Variants in GALNTL6 observed in about 807,000 individuals in gnomAD.
The protein encoded by GALNTL6 is polypeptide N-acetylgalactosaminyltransferase like 6.
Under a neutral mutation model 73.7 loss-of-function variants are expected in GALNTL6, and 46 were observed. The observed-to-expected ratio is 0.62, with a 90% confidence interval of 0.49 to 0.80. The LOEUF is 0.80. GALNTL6 is among the 30% of genes least tolerant of loss of function. The pLI is 0.00. For missense variants in GALNTL6, 604 were observed against 755.0 expected (o/e 0.80, Z 2.34); for synonymous variants, 259 against 263.7 (o/e 0.98, Z 0.17).
chr4:172,275,652 G>T (rs1738802209), intron 3 of GALNTL6, among the ~76,000 whole-genome samples: 1 of 152,158 alleles, frequency 6.6e-6, no homozygotes, highest in African/African-American at 2.4e-5. Context: ...AGAATAAAAA[G>T]AAGAGACTAT....
At chr4:171,942,241 G>GATAC (rs1370018816) in intron 2 of GALNTL6, among the ~76,000 whole-genome samples, 5 of 30,154 alleles carry the variant, frequency 1.7e-4, no homozygotes, top group African/African-American at 2.5e-4. Context: ...AAAATAAATA[G>GATAC]ATAAATAAAT....
intron 5 of GALNTL6, among the ~76,000 whole-genome samples, chr4:172,559,126 G>T (rs909283702): frequency 1.7e-5 from 2 of 121,022 alleles, no homozygotes; most frequent in Admixed American, 2.3e-4. Context: ...GAGTGCAGTC[G>T]CGATCTCGGC....
At chr4:172,280,313 G>A (rs1738998424) in intron 3 of GALNTL6, among the ~76,000 whole-genome samples, 1 of 152,076 alleles carries the variant, frequency 6.6e-6, no homozygotes, top group African/African-American at 2.4e-5. Context: ...AGAAACCAAT[G>A]GAAGAACTTT....
chr4:172,385,920 T>C (rs1588206), intron 5 of GALNTL6, among the ~76,000 whole-genome samples: 122,283 of 149,264 alleles, frequency 0.82, 50,157 homozygotes, highest in Non-Finnish European at 0.88. Context: ...CACACACACA[T>C]ATATATATTT....
intron 2 of GALNTL6, among the ~76,000 whole-genome samples, chr4:171,996,028 C>G (rs1281082289): frequency 1.3e-5 from 2 of 152,042 alleles, no homozygotes; most frequent in Non-Finnish European, 2.9e-5. Context: ...TACAGCTCCT[C>G]TAAATGGCCT....
chr4:172,122,797 C>T (rs564259538), intron 2 of GALNTL6, among the ~76,000 whole-genome samples: 2 of 152,338 alleles, frequency 1.3e-5, no homozygotes, highest in South Asian at 4.1e-4. Flanking sequence ...CAATGGGCAG[C>T]ATTTCTAAGA....
chr4:172,543,842 A>T (rs912042858), intron 5 of GALNTL6, among the ~76,000 whole-genome samples: 9 of 152,256 alleles, frequency 5.9e-5, no homozygotes, highest in African/African-American at 2.2e-4. Context: ...GAAGATGAAG[A>T]TAATGCAATG....
intron 5 of GALNTL6, among the ~76,000 whole-genome samples, chr4:172,500,871 T>C (rs1485028331): frequency 6.6e-6 from 1 of 152,168 alleles, no homozygotes; most frequent in African/African-American, 2.4e-5. Flanking sequence ...TCAATGTATG[T>C]AGAGGAAATA....
intron 7 of GALNTL6, among the ~76,000 whole-genome samples, chr4:172,828,673 A>G (rs1742416274): frequency 6.6e-6 from 1 of 152,260 alleles, no homozygotes; most frequent in Non-Finnish European, 1.5e-5. Context: ...GTTTCTGTGT[A>G]GAAAGGGAAC....
chr4:172,935,949 G>T (rs1446216076), intron 9 of GALNTL6, among the ~76,000 whole-genome samples: 1 of 152,160 alleles, frequency 6.6e-6, no homozygotes, highest in Non-Finnish European at 1.5e-5. Flanking sequence ...GCATCATCCT[G>T]ATACCAAAAC....
At chr4:171,932,703 T>A (rs1006396813) in intron 2 of GALNTL6, among the ~76,000 whole-genome samples, 1 of 152,184 alleles carries the variant, frequency 6.6e-6, no homozygotes. Context: ...AATAAATCAA[T>A]GGGATGTTTA....
At chr4:172,882,670 C>A in intron 7 of GALNTL6, 120 bp from the exon 8 acceptor site, 1 of 709,302 alleles carries the variant, frequency 1.4e-6, no homozygotes, top group Non-Finnish European at 2.6e-6. Context: ...AAAACCAGTG[C>A]TGAAAAGTTC....
At chr4:172,146,278 G>A (rs112458411) in intron 2 of GALNTL6, among the ~76,000 whole-genome samples, 4 of 152,184 alleles carry the variant, frequency 2.6e-5, no homozygotes, top group African/African-American at 9.6e-5. Context: ...ATTCTTTTGC[G>A]TTCTTTATGA....
At chr4:171,958,892 C>G (rs1267983017) in intron 2 of GALNTL6, among the ~76,000 whole-genome samples, 1 of 151,920 alleles carries the variant, frequency 6.6e-6, no homozygotes, top group Non-Finnish European at 1.5e-5. Context: ...TAAATGTACA[C>G]CATGCTTGTT....
intron 5 of GALNTL6, 141 bp downstream of exon 5, chr4:172,348,830 G>A (rs537535006): frequency 4.6e-4 from 224 of 489,764 alleles, no homozygotes; most frequent in Non-Finnish European, 5.8e-4. Context: ...TTGTGATTTC[G>A]TAAAATATTC....
intron 5 of GALNTL6, among the ~76,000 whole-genome samples, chr4:172,640,958 C>T (rs1344755273): frequency 6.6e-6 from 1 of 152,050 alleles, no homozygotes; most frequent in African/African-American, 2.4e-5. Flanking sequence ...TCCCCACAGC[C>T]ATCTCTGTCT....
chr4:172,196,012 T>G (rs979855991), intron 2 of GALNTL6, among the ~76,000 whole-genome samples: 6 of 149,528 alleles, frequency 4.0e-5, no homozygotes, highest in South Asian at 2.1e-4. Flanking sequence ...CTGGGTTTTT[T>G]TTTTTTTTTT....
chr4:172,481,594 G>T (rs1733476730), intron 5 of GALNTL6, among the ~76,000 whole-genome samples: 1 of 151,262 alleles, frequency 6.6e-6, no homozygotes, highest in African/African-American at 2.4e-5. Context: ...TGATTGGTGT[G>T]TTTACAATCC....
At chr4:172,364,541 C>T (rs1742488638) in intron 5 of GALNTL6, among the ~76,000 whole-genome samples, 1 of 152,144 alleles carries the variant, frequency 6.6e-6, no homozygotes, top group South Asian at 2.1e-4. Flanking sequence ...CCTTTGATCA[C>T]TGGGAATTTT....
Sources: allele counts gnomAD v4.1 joint callset (sites outside exome capture counted in the v4.1 genomes callset), GRCh38; gene constraint gnomAD v4.1.1; transcripts MANE v1.5; gene names NCBI Gene and HGNC (gene_info 2026-07-23, HGNC 2026-07-21).